The following REV3L variants were observed in gnomAD, a reference collection of about 807,000 sequenced individuals.
REV3L encodes DNA polymerase zeta catalytic subunit.
In REV3L, 69 loss-of-function variants were observed where a neutral mutation model predicts 299.4. The observed-to-expected ratio is 0.23, with a 90% CI of 0.19 to 0.28. The LOEUF is 0.28. Among genes scored for constraint, REV3L ranks in the 10% least tolerant of loss-of-function variants. REV3L has a pLI of 1.00. For synonymous variants in REV3L, 1,238 were observed against 1,271.4 expected (o/e 0.97, Z 0.56); for missense variants, 3,128 against 3,693.8 (o/e 0.85, Z 3.97).
At chr6:111,387,636 A>C (rs1781477014) in intron 9 of REV3L, 129 bp downstream of exon 9, 1 of 835,768 alleles carries the variant, frequency 1.2e-6, no homozygotes, top group Non-Finnish European at 1.8e-6. Context: ...GAATGGGAGA[A>C]ATTTTTGCTA....
intron 4 of REV3L, among the ~76,000 whole-genome samples, chr6:111,400,431 G>C (rs991195422): frequency 4.6e-5 from 7 of 152,120 alleles, no homozygotes; most frequent in East Asian, 1.9e-4. Context: ...ATTCTAATAG[G>C]TATATAGTGG....
At chr6:111,472,148 G>A in intron 1 of REV3L, 1 of 1,264,194 alleles carries the variant, frequency 7.9e-7, no homozygotes, top group African/African-American at 1.6e-5. Flanking sequence ...ATTCTGAAAT[G>A]AAATTTAGAT....
chr6:111,391,145 A>ATG (rs1396624222), intron 5 of REV3L, among the ~76,000 whole-genome samples: 1 of 150,118 alleles, frequency 6.7e-6, no homozygotes, highest in African/African-American at 2.5e-5. Context: ...AGCTCACCTC[A>ATG]ACCTCCACCT....
intron 1 of REV3L, among the ~76,000 whole-genome samples, chr6:111,448,033 TC>T (rs898369843): frequency 1.4e-4 from 21 of 152,190 alleles, no homozygotes; most frequent in African/African-American, 5.1e-4. Context: ...CACTATCATG[TC>T]AGTATTGAAC....
chr6:111,342,440 G>A (rs1330401245), intron 21 of REV3L, among the ~76,000 whole-genome samples: 1 of 152,064 alleles, frequency 6.6e-6, no homozygotes, highest in Non-Finnish European at 1.5e-5. Flanking sequence ...AGGCCGAGGC[G>A]GGCGGATCAT....
At position 111,387,922 on chromosome 6, in the gene REV3L, T is replaced by A; in HGVS notation, c.948-9A>T. ...CAGATCCTGATAATGTTCTGCTTAA[T>A]TAAAACATATCCTTTATAACAGACT... On this transcript the variant is annotated splice_polypyrimidine_tract_variant and intron_variant, in intron 8 of 31. Transcript: ENST00000368802. 6.2e-7 allele frequency: 1 copy of A among 1,613,612 alleles called. No homozygotes were observed.
At chr6:111,349,986 C>T (rs961792893) in intron 19 of REV3L, among the ~76,000 whole-genome samples, 14 of 152,078 alleles carry the variant, frequency 9.2e-5, no homozygotes, top group South Asian at 2.1e-4. Flanking sequence ...AATTAAAATG[C>T]GTCTCTCCTA....
upstream of REV3L, chr6:111,483,403 G>T (rs1794018635): frequency 2.3e-6 from 1 of 440,802 alleles, no homozygotes; most frequent in Admixed American, 4.5e-5. Flanking sequence ...GGAGGCGGCC[G>T]GCGGCCGGCA....
rs542911493 is a variant in REV3L, at chr6:111,478,171, C to T, written c.139+4579G>A. 5.9e-5 allele frequency among the ~76,000 whole-genome samples: 9 copies of T among 152,302 alleles called. No individual in the cohort carries two copies. The East Asian group carries it at 1.2e-3, about 20-fold the overall frequency. ...ACATGACTAATCCATATTTCCTTCA[C>T]GAAGTCTTCCCTGACTCCCCTTTTT... On this transcript the variant is annotated intron_variant, in intron 1 of 31. Coordinates refer to ENST00000368802, the MANE Select transcript of REV3L (RefSeq NM_001372078.1).
At chr6:111,387,371 G>A (rs571083564) in intron 9 of REV3L, among the ~76,000 whole-genome samples, 1 of 152,038 alleles carries the variant, frequency 6.6e-6, no homozygotes, top group Non-Finnish European at 1.5e-5. Context: ...GTAAATCATT[G>A]AATTATACGC....
At chr6:111,444,582 C>T (rs557800595) in intron 1 of REV3L, among the ~76,000 whole-genome samples, 9 of 152,222 alleles carry the variant, frequency 5.9e-5, no homozygotes, top group African/African-American at 2.2e-4. Flanking sequence ...GCCATTTCCA[C>T]AGAAAAGGAA....
chr6:111,365,731 C>T (rs1779123426), intron 14 of REV3L, among the ~76,000 whole-genome samples: 1 of 152,030 alleles, frequency 6.6e-6, no homozygotes, highest in African/African-American at 2.4e-5. Flanking sequence ...ATTATAACTG[C>T]ACTAATACAA....
chr6:111,416,297 T>A lies in REV3L; in HGVS notation c.315A>T (p.Ser105=), dbSNP rs777224158. The change falls in exon 2 of 32, where the codon TCA becomes TCT. Residue 105 remains serine, a synonymous_variant. Coordinates refer to ENST00000368802, the MANE Select transcript of REV3L (RefSeq NM_001372078.1). ...SSTAQHVFKV[S]LVSGMPFYGY... ...CATATACTTACATTCCTGATACTAA[T>A]GACACTTTGAACACATGCTGAGCAG... 14 of 1,609,640 alleles carry A rather than the reference T, an allele frequency of 8.7e-6. No individual in the cohort carries two copies. In the East Asian group the frequency reaches 3.1e-4, roughly 36 times the overall value.
At chr6:111,389,727 ATTTTTTTTTTTTTT>A (rs10713895) in intron 6 of REV3L, among the ~76,000 whole-genome samples, 2 of 81,340 alleles carry the variant, frequency 2.5e-5, no homozygotes, top group Non-Finnish European at 4.8e-5. Context: ...TTGGTCATTA[ATTTTTTTTTTTTTT>A]TTTTTTTTTT....
rs1186877539 is a variant in REV3L, at chr6:111,405,500, C to T, written c.535G>A (p.Ala179Thr). 1 of 1,600,628 alleles carries T rather than the reference C, an allele frequency of 6.2e-7. No homozygotes were observed. The highest frequency in any genetic ancestry group is 8.5e-7 in the Non-Finnish European group (1 of 1,175,394). The change falls in exon 4 of 32, where the codon GCT becomes ACT. Residue 179 changes from alanine to threonine, a missense_variant. Transcript: ENST00000368802. ...LYGMNLINLA[A>T]VKFRKARRKS... ...CTTCTTGCTTTTCGGAACTTGACAG[C>T]AGCCAGATTTATTAAATTCATGCCA...
intron 1 of REV3L, among the ~76,000 whole-genome samples, chr6:111,475,454 G>T (rs959163513): frequency 4.6e-5 from 7 of 152,142 alleles, no homozygotes; most frequent in Admixed American, 4.6e-4. Flanking sequence ...TATAGAGTAT[G>T]AATACTTTAT....
chr6:111,300,167 A>C lies in REV3L; in HGVS notation c.9253-11T>G, dbSNP rs1771319290. On this transcript the variant is annotated splice_polypyrimidine_tract_variant and intron_variant, in intron 31 of 31. Coordinates refer to ENST00000368802, the MANE Select transcript of REV3L (RefSeq NM_001372078.1). ...ACAGTTCTTGCATATCTGAAAGCAT[A>C]AGAGAAATACAAAAAATAATAGGAA... 1.5e-5 allele frequency: 23 copies of C among 1,553,384 alleles called. No individual in the cohort carries two copies. Among genetic ancestry groups the C allele is most frequent in the Non-Finnish European group, 1.8e-5 (21 of 1,154,852 alleles).
intron 25 of REV3L, among the ~76,000 whole-genome samples, chr6:111,323,402 A>G (rs1422495155): frequency 1.3e-5 from 2 of 152,164 alleles, no homozygotes; most frequent in Non-Finnish European, 2.9e-5. Context: ...TGTTGATGAT[A>G]ATGTCTTTCA....
rs1011314760 is a variant in REV3L at position 111,433,189 on chromosome 6, G to A, written c.140-16717C>T. Among the ~76,000 whole-genome samples, 11 of 151,866 alleles carry A rather than the reference G, an allele frequency of 7.2e-5. No individual in the cohort carries two copies. The East Asian group carries it at 1.2e-3, about 16-fold the overall frequency. On this transcript the variant is annotated intron_variant, in intron 1 of 31. Coordinates refer to ENST00000368802, the MANE Select transcript of REV3L (RefSeq NM_001372078.1). ...AATTAGTGGAAGGAAATAAATAGTA[G>A]CGATCAAATCAGAAATAAATGAAAT...
Sources: gnomAD v4.1 joint callset for allele counts (sites outside exome capture counted in the v4.1 genomes callset) on GRCh38, gnomAD v4.1.1 for gene constraint, MANE v1.5 for transcripts, NCBI Gene and HGNC (gene_info 2026-07-23, HGNC 2026-07-21) for gene names.